The following NEK7 variants were observed in gnomAD, a reference collection of about 807,000 sequenced individuals.
NEK7 encodes the protein serine/threonine-protein kinase Nek7.
In NEK7, 18 loss-of-function variants were observed where a neutral mutation model predicts 44.6. The observed-to-expected ratio is 0.40, with a 90% CI of 0.28 to 0.60. The LOEUF is 0.60. Among genes scored for constraint, NEK7 ranks in the 20% least tolerant of loss-of-function variants. NEK7 has a pLI of 0.38. For synonymous variants in NEK7, 130 were observed against 121.1 expected, an observed-to-expected ratio of 1.07 and a Z score of -0.48; for missense variants, 256 against 366.5, an observed-to-expected ratio of 0.70 and a Z score of 2.46.
intron 1 of NEK7, among the ~76,000 whole-genome samples, chr1:198,205,379 A>G (rs931755411): frequency 1.1e-4 from 16 of 152,098 alleles, no homozygotes; most frequent in African/African-American, 3.9e-4. Context: ...GTACCGTTTT[A>G]TTTATTTCGA....
At chr1:198,255,705 T>G (rs1653236138) in intron 3 of NEK7, among the ~76,000 whole-genome samples, 2 of 152,206 alleles carry the variant, frequency 1.3e-5, no homozygotes, top group East Asian at 3.8e-4. Context: ...TTTATTCTTT[T>G]GGATTATCCC....
chr1:198,270,597 G>A (rs1653805752), intron 5 of NEK7, among the ~76,000 whole-genome samples: 1 of 151,990 alleles, frequency 6.6e-6, no homozygotes, highest in South Asian at 2.1e-4. Context: ...GGATATTTAG[G>A]TATAGGCTAT....
chr1:198,204,737 A>T (rs1284143371), intron 1 of NEK7, among the ~76,000 whole-genome samples: 1 of 149,254 alleles, frequency 6.7e-6, no homozygotes, highest in East Asian at 2.0e-4. Context: ...AAAAAAAAAA[A>T]AGAAACTCAG....
At chr1:198,278,519 A>G (rs1038872066) in intron 6 of NEK7, among the ~76,000 whole-genome samples, 2 of 151,856 alleles carry the variant, frequency 1.3e-5, no homozygotes, top group African/African-American at 4.8e-5. Context: ...CATTTATGCA[A>G]TTAAGATTTT....
At chr1:198,214,627 AATAAAGG>A (rs2102827023) in intron 1 of NEK7, among the ~76,000 whole-genome samples, 2 of 152,290 alleles carry the variant, frequency 1.3e-5, no homozygotes, top group Non-Finnish European at 2.9e-5. Context: ...GTCAGACAAA[AATAAAGG>A]ACAAAGAATC....
At chr1:198,278,220 A>G in intron 6 of NEK7, 151 bp downstream of exon 6, 1 of 523,728 alleles carries the variant, frequency 1.9e-6, no homozygotes, top group East Asian at 3.3e-5. Flanking sequence ...CTTTAAATAA[A>G]GCACTACTAG....
At chr1:198,292,606 T>C (rs1654594173) in intron 7 of NEK7, among the ~76,000 whole-genome samples, 1 of 151,988 alleles carries the variant, frequency 6.6e-6, no homozygotes, top group Non-Finnish European at 1.5e-5. Context: ...AAGCCATATT[T>C]TTTTAAAAAA....
chr1:198,205,468 T>C (rs1467568607), intron 1 of NEK7, among the ~76,000 whole-genome samples: 1 of 152,142 alleles, frequency 6.6e-6, no homozygotes, highest in African/African-American at 2.4e-5. Context: ...CAAGCAGTTA[T>C]ATTTAAAACA....
intron 1 of NEK7, among the ~76,000 whole-genome samples, chr1:198,195,236 C>T (rs891466977): frequency 2.6e-5 from 4 of 152,018 alleles, no homozygotes; most frequent in Admixed American, 6.5e-5. Flanking sequence ...CATGTAAGTA[C>T]CTTTCAGTAG....
intron 5 of NEK7, among the ~76,000 whole-genome samples, chr1:198,267,985 C>T (rs1219447949): frequency 2.6e-5 from 4 of 151,872 alleles, no homozygotes; most frequent in Admixed American, 1.3e-4. Flanking sequence ...GCATTTGGCT[C>T]TGCTTTTCAT....
At chr1:198,220,423 T>A (rs1666049223) in intron 1 of NEK7, among the ~76,000 whole-genome samples, 1 of 152,102 alleles carries the variant, frequency 6.6e-6, no homozygotes, top group South Asian at 2.1e-4. Context: ...GTTTAATGTG[T>A]TTAACTATAA....
chr1:198,278,910 A>G (rs1264456456), intron 6 of NEK7, 44 bp from the exon 7 acceptor site: 1 of 1,051,758 alleles, frequency 9.5e-7, no homozygotes, highest in African/African-American at 1.6e-5. Flanking sequence ...TAAAATTTCT[A>G]AAATGTCTAT....
chr1:198,196,531 G>C (rs1665241955), intron 1 of NEK7, among the ~76,000 whole-genome samples: 1 of 152,104 alleles, frequency 6.6e-6, no homozygotes, highest in South Asian at 2.1e-4. Flanking sequence ...AACTACAAAG[G>C]GGTTTATTTT....
At chr1:198,246,013 A>G (rs1057079071) in intron 2 of NEK7, among the ~76,000 whole-genome samples, 1 of 152,218 alleles carries the variant, frequency 6.6e-6, no homozygotes, top group African/African-American at 2.4e-5. Flanking sequence ...TTTCCTAAAA[A>G]TAGTTCTTTA....
At chr1:198,166,675 G>A (rs939132737) in intron 1 of NEK7, among the ~76,000 whole-genome samples, 4 of 152,156 alleles carry the variant, frequency 2.6e-5, no homozygotes, top group Admixed American at 6.5e-5. Flanking sequence ...ACCATGTATC[G>A]TTAAGTTTAC....
chr1:198,256,644 T>C, intron 3 of NEK7: 1 of 857,670 alleles, frequency 1.2e-6, no homozygotes, highest in African/African-American at 1.7e-5. Context: ...TTGGTCAGTG[T>C]CTAAGGCTTT....
intron 9 of NEK7, among the ~76,000 whole-genome samples, chr1:198,310,504 A>C (rs1161001005): frequency 7.2e-6 from 1 of 138,024 alleles, no homozygotes; most frequent in Non-Finnish European, 1.6e-5. Context: ...TGTTTTAGAC[A>C]TGAAGTCCTT....
chr1:198,158,133 G>A (rs947044840), intron 1 of NEK7, among the ~76,000 whole-genome samples: 3 of 152,166 alleles, frequency 2.0e-5, no homozygotes, highest in African/African-American at 7.2e-5. Context: ...GAGCGTACTG[G>A]GGTCGCGGAG....
rs1655549105 is a variant in NEK7 at position 198,322,084 on chromosome 1, C to T, written c.*2562C>T. 1 of 152,116 alleles carries T rather than the reference C, an allele frequency of 6.6e-6. No individual in the cohort carries two copies. Among genetic ancestry groups the T allele is most frequent in the Admixed American group, 6.5e-5 (1 of 15,270 alleles). 9.4% of individuals were successfully genotyped at this position (152,116 alleles called of 1,614,324 possible). A position where few individuals can be genotyped will look rare whatever the true frequency, so the allele number is the denominator to read the frequency against. On this transcript the variant is annotated 3_prime_UTR_variant, in exon 10 of 10. Coordinates refer to ENST00000367385, the MANE Select transcript of NEK7 (RefSeq NM_133494.3). ...TTACAGCCATTTCATGAATGCTTTA[C>T]CATTCAACATAGTATCTATTACAAA...
Sources: gnomAD v4.1 joint callset for allele counts (sites outside exome capture counted in the v4.1 genomes callset) on GRCh38, gnomAD v4.1.1 for gene constraint, MANE v1.5 for transcripts, NCBI Gene and HGNC (gene_info 2026-07-23, HGNC 2026-07-21) for gene names.